TENM3: variants seen among roughly 807,000 people sequenced by gnomAD.
TENM3 encodes the protein teneurin transmembrane protein 3.
In TENM3, 63 loss-of-function variants were observed where a neutral mutation model predicts 255.1. The ratio of observed to expected loss-of-function variants is 0.25; its 90% CI spans 0.20 to 0.30. The LOEUF is 0.30. Ranked by LOEUF, TENM3 falls within the 10% of genes least tolerant of loss-of-function variation. The probability of loss-of-function intolerance (pLI) is 1.00; values close to 1 mark genes in which losing one functional copy is unlikely to be tolerated. For synonymous variants in TENM3, 1,306 were observed against 1,322.3 expected (o/e 0.99, Z 0.27); for missense variants, 2,929 against 3,461.1 (o/e 0.85, Z 3.86).
At chr4:181,546,219 C>A in the TENM3 span, among the ~76,000 whole-genome samples, 1 of 152,172 alleles carries the variant, frequency 6.6e-6, no homozygotes, top group African/African-American at 2.4e-5. Context: ...CTTCTCCCTT[C>A]GTATAGCTTC....
At chr4:181,958,000 CATATT>C in the TENM3 span, among the ~76,000 whole-genome samples, 1 of 152,132 alleles carries the variant, frequency 6.6e-6, no homozygotes, top group African/African-American at 2.4e-5. Flanking sequence ...TTTTTCCTAT[CATATT>C]ATGAAGTCTT....
At chr4:181,989,700 G>A in the TENM3 span, among the ~76,000 whole-genome samples, 7 of 152,098 alleles carry the variant, frequency 4.6e-5, no homozygotes, top group Non-Finnish European at 8.8e-5. Context: ...TATGTTAACT[G>A]TTCTGATCAT....
the TENM3 span, among the ~76,000 whole-genome samples, chr4:181,894,200 A>T: frequency 2.6e-5 from 4 of 152,198 alleles, no homozygotes; most frequent in Admixed American, 6.5e-5. Flanking sequence ...GGAGTTCCTA[A>T]TGAAACAGTA....
intron 3 of TENM3, among the ~76,000 whole-genome samples, chr4:182,518,266 A>C (rs1262139045): frequency 6.6e-6 from 1 of 151,110 alleles, no homozygotes; most frequent in Non-Finnish European, 1.5e-5. Flanking sequence ...GATGGCCCCC[A>C]AGATTCCCAC....
At chr4:182,169,484 G>A in intron 1 of TENM3, 1 of 309,964 alleles carries the variant, frequency 3.2e-6, no homozygotes, top group Non-Finnish European at 6.3e-6. Flanking sequence ...AAATATGAAT[G>A]AAGATATATG....
At chr4:182,548,308 A>C (rs893117674) in intron 3 of TENM3, among the ~76,000 whole-genome samples, 1 of 152,076 alleles carries the variant, frequency 6.6e-6, no homozygotes, top group Non-Finnish European at 1.5e-5. Context: ...TTGCAATCCA[A>C]ACCCAGCTTT....
chr4:181,930,824 C>T, the TENM3 span, among the ~76,000 whole-genome samples: 14 of 152,058 alleles, frequency 9.2e-5, no homozygotes, highest in African/African-American at 3.4e-4. Flanking sequence ...ACCATGATCC[C>T]GTCAGCTTCA....
At chr4:181,455,015 A>G in the TENM3 span, among the ~76,000 whole-genome samples, 1 of 152,028 alleles carries the variant, frequency 6.6e-6, no homozygotes, top group Non-Finnish European at 1.5e-5. Flanking sequence ...TCTCTGCTCA[A>G]CCTCCAGACA....
intron 1 of TENM3, among the ~76,000 whole-genome samples, chr4:182,175,344 T>C (rs2149711942): frequency 6.8e-6 from 1 of 147,232 alleles, no homozygotes; most frequent in East Asian, 2.0e-4. Flanking sequence ...TACACACAAG[T>C]ATTTGCAAAC....
intron 5 of TENM3, among the ~76,000 whole-genome samples, chr4:182,635,007 G>A (rs1467505565): frequency 6.6e-6 from 1 of 152,110 alleles, no homozygotes; most frequent in Admixed American, 6.5e-5. Context: ...CTGCAAATAA[G>A]CCCTCAAATC....
chr4:181,794,666 C>CTTTGTGTGTGTG, the TENM3 span, among the ~76,000 whole-genome samples: 4 of 142,900 alleles, frequency 2.8e-5, no homozygotes, highest in Non-Finnish European at 6.1e-5. Flanking sequence ...AATAATATCC[C>CTTTGTGTGTGTG]TGTGTGTGTG....
the TENM3 span, among the ~76,000 whole-genome samples, chr4:181,542,876 C>A: frequency 1.3e-5 from 2 of 152,134 alleles, no homozygotes; most frequent in African/African-American, 4.8e-5. Context: ...CCAAAAAAAC[C>A]AAAGTCCTTT....
intron 9 of TENM3, 37 bp downstream of exon 9, chr4:182,680,386 A>G (rs749043250): frequency 6.5e-7 from 1 of 1,531,998 alleles, no homozygotes; most frequent in Non-Finnish European, 9.0e-7. Flanking sequence ...GCCGATATAA[A>G]TAAGCTGTAG....
chr4:182,425,132 T>A (rs1182951283), intron 3 of TENM3, among the ~76,000 whole-genome samples: 1 of 152,232 alleles, frequency 6.6e-6, no homozygotes, highest in Non-Finnish European at 1.5e-5. Flanking sequence ...ATTCATTAAC[T>A]CTTTACTTTT....
intron 3 of TENM3, among the ~76,000 whole-genome samples, chr4:182,590,261 G>A (rs1746466062): frequency 6.6e-6 from 1 of 151,988 alleles, no homozygotes; most frequent in Admixed American, 6.6e-5. Context: ...TTGAATGAGG[G>A]CGTGACACTT....
At chr4:181,606,363 G>T in the TENM3 span, among the ~76,000 whole-genome samples, 174 of 152,214 alleles carry the variant, frequency 1.1e-3, no homozygotes, top group African/African-American at 3.9e-3. Context: ...ACCTCCTCTT[G>T]TTCCTTCCGT....
chr4:182,590,191 A>G, intron 3 of TENM3, among the ~76,000 whole-genome samples: 1 of 152,150 alleles, frequency 6.6e-6, no homozygotes, highest in East Asian at 1.9e-4. Flanking sequence ...GTTGTTTAAG[A>G]CAACATAGGA....
intron 3 of TENM3, among the ~76,000 whole-genome samples, chr4:182,540,262 ATTGCT>A (rs1213988650): frequency 1.3e-5 from 2 of 152,144 alleles, no homozygotes; most frequent in Admixed American, 6.6e-5. Context: ...AAAACAAGAA[ATTGCT>A]AACAGAGTAT....
At chr4:182,049,317 C>T in the TENM3 span, among the ~76,000 whole-genome samples, 1 of 152,196 alleles carries the variant, frequency 6.6e-6, no homozygotes, top group African/African-American at 2.4e-5. Flanking sequence ...TGAATCAGTA[C>T]TCCCTCTTCT....
Sources: gnomAD v4.1 joint callset for allele counts (sites outside exome capture counted in the v4.1 genomes callset) on GRCh38, gnomAD v4.1.1 for gene constraint, MANE v1.5 for transcripts, NCBI Gene and HGNC (gene_info 2026-07-23, HGNC 2026-07-21) for gene names.